The following PFKFB3 variants were observed in gnomAD, a reference collection of about 807,000 sequenced individuals.
PFKFB3 encodes 6-phosphofructo-2-kinase/fructose-2,6-biphosphatase 3, also known as 6-phosphofructo-2-kinase/fructose-2,6-bisphosphatase 3.
A neutral mutation model predicts 68.0 loss-of-function variants in PFKFB3; 33 were observed. That is an observed-to-expected ratio of 0.49 (90% CI 0.37 to 0.65). The LOEUF (loss-of-function observed/expected upper bound fraction) is 0.65, where lower values mean the gene tolerates loss of function less well. Ranked by LOEUF, PFKFB3 falls within the 30% of genes least tolerant of loss-of-function variation. The pLI, the probability that PFKFB3 is intolerant of heterozygous loss-of-function variation, is 0.00. For missense variants in PFKFB3, 586 were observed against 712.2 expected, an observed-to-expected ratio of 0.82 and a Z score of 2.02; for synonymous variants, 315 against 288.2, an observed-to-expected ratio of 1.09 and a Z score of -0.94.
At chr10:6,238,239 G>C, downstream of PFKFB3, among the ~76,000 whole-genome samples, 1 of 151,824 alleles carries the variant, frequency 6.6e-6, no homozygotes, top group African/African-American at 2.4e-5. Context: ...ATCTCAGCTC[G>C]CTGCAACCTC....
intron 1 of PFKFB3, among the ~76,000 whole-genome samples, chr10:6,182,935 C>A (rs1344083172): frequency 6.6e-6 from 1 of 152,160 alleles, no homozygotes; most frequent in African/African-American, 2.4e-5. Flanking sequence ...GACTATGGGG[C>A]CCCACAGACC....
At position 6,180,326 on chromosome 10, in the gene PFKFB3, C is replaced by G. The variant is rs113888559; in HGVS notation, c.17-33297C>G. 4.8e-3 allele frequency among the ~76,000 whole-genome samples: 733 copies of G among 152,296 alleles called. 8 individuals carry two copies. The highest frequency in any genetic ancestry group is 0.017 in the African/African-American group (707 of 41,568). On this transcript the variant is annotated intron_variant, in intron 1 of 14. Transcript: ENST00000379789. ...TGAGGGGGACCATGTAATATTTTTT[C>G]CTAACATTAACAACAGGCTTATTGT...
chr10:6,265,243 G>A, the PFKFB3 span, among the ~76,000 whole-genome samples: 1 of 151,906 alleles, frequency 6.6e-6, no homozygotes, highest in Non-Finnish European at 1.5e-5. Flanking sequence ...ACCATGCTCG[G>A]CTAATTTTTG....
intron 1 of PFKFB3, among the ~76,000 whole-genome samples, chr10:6,160,162 G>A (rs914073615): frequency 6.6e-6 from 1 of 152,150 alleles, no homozygotes; most frequent in East Asian, 1.9e-4. Context: ...TCAGGATAAT[G>A]GTTACTTCCA....
At chr10:6,256,540 A>G (rs189945343), downstream of PFKFB3, among the ~76,000 whole-genome samples, 7 of 152,172 alleles carry the variant, frequency 4.6e-5, no homozygotes, top group African/African-American at 1.4e-4. Context: ...CCAGGCTGCC[A>G]TGTGCATGGA....
the PFKFB3 span, among the ~76,000 whole-genome samples, chr10:6,265,224 G>A: frequency 2.6e-5 from 4 of 151,838 alleles, no homozygotes; most frequent in African/African-American, 9.7e-5. Context: ...GGGACTACAG[G>A]TGCATGCCAC....
At chr10:6,316,887 G>GGT in the PFKFB3 span, among the ~76,000 whole-genome samples, 1 of 152,124 alleles carries the variant, frequency 6.6e-6, no homozygotes, top group East Asian at 1.9e-4. Context: ...TCTGCATCAT[G>GGT]GTGTGACCCT....
intron 14 of PFKFB3, chr10:6,231,178 G>A: frequency 2.1e-6 from 2 of 974,576 alleles, no homozygotes; most frequent in South Asian, 2.6e-5. Context: ...AATTTCAAAT[G>A]CACACTAGAA....
chr10:6,260,635 C>T, the PFKFB3 span, among the ~76,000 whole-genome samples: 1 of 152,138 alleles, frequency 6.6e-6, no homozygotes, highest in Non-Finnish European at 1.5e-5. Flanking sequence ...TTAAACTTTA[C>T]ATAAATCACA....
chr10:6,174,139 A>AT (rs145084520), intron 1 of PFKFB3, among the ~76,000 whole-genome samples: 4,405 of 151,950 alleles, frequency 0.029, 211 homozygotes, highest in African/African-American at 0.1. Flanking sequence ...CAAAGCCTGT[A>AT]TTTTTTCTGC....
intron 6 of PFKFB3, among the ~76,000 whole-genome samples, chr10:6,217,808 G>A: frequency 6.6e-6 from 1 of 152,158 alleles, no homozygotes; most frequent in Non-Finnish European, 1.5e-5. Flanking sequence ...GGTTACTATG[G>A]AGACTTACTA....
intron 1 of PFKFB3, among the ~76,000 whole-genome samples, chr10:6,167,750 T>C (rs1417471314): frequency 5.9e-5 from 9 of 152,212 alleles, no homozygotes; most frequent in Non-Finnish European, 1.2e-4. Context: ...TCTCTGATGA[T>C]CCTCTTTTCT....
chr10:6,207,066 C>G (rs1332229129), intron 1 of PFKFB3, among the ~76,000 whole-genome samples: 5 of 151,602 alleles, frequency 3.3e-5, no homozygotes, highest in Admixed American at 6.6e-5. Context: ...AATCTCGGCA[C>G]TTTGGGAGGC....
intron 14 of PFKFB3, among the ~76,000 whole-genome samples, chr10:6,252,826 T>A (rs1846409705): frequency 6.6e-6 from 1 of 152,220 alleles, no homozygotes; most frequent in Admixed American, 6.5e-5. Flanking sequence ...CATAGCACAC[T>A]GTTAATAGAG....
the PFKFB3 span, among the ~76,000 whole-genome samples, chr10:6,290,638 A>ACAGG: frequency 6.6e-6 from 1 of 151,654 alleles, no homozygotes; most frequent in Non-Finnish European, 1.5e-5. Flanking sequence ...AGCTGGGATT[A>ACAGG]CAGGCACCCA....
the PFKFB3 span, among the ~76,000 whole-genome samples, chr10:6,290,988 C>T: frequency 0.014 from 2,069 of 152,078 alleles, 32 homozygotes; most frequent in Middle Eastern, 0.027. Flanking sequence ...ATTCCCATTA[C>T]ATGTTTGTTG....
intron 14 of PFKFB3, among the ~76,000 whole-genome samples, chr10:6,232,167 A>G (rs1432182010): frequency 1.3e-5 from 2 of 149,736 alleles, no homozygotes; most frequent in African/African-American, 4.9e-5. Context: ...GCGTAGGTGA[A>G]GCAGGTCACG....
intron 1 of PFKFB3, among the ~76,000 whole-genome samples, chr10:6,205,408 T>C (rs1169444984): frequency 1.5e-5 from 2 of 134,014 alleles, no homozygotes; most frequent in Non-Finnish European, 3.2e-5. Context: ...TTTTTTTTTT[T>C]TTGACATGGC....
intron 14 of PFKFB3, among the ~76,000 whole-genome samples, chr10:6,227,040 G>A (rs1293706869): frequency 6.6e-6 from 1 of 151,850 alleles, no homozygotes; most frequent in Non-Finnish European, 1.5e-5. Context: ...GAGCCGAGAT[G>A]GTGCCACTGC....
Sources: gnomAD v4.1 joint callset for allele counts (sites outside exome capture counted in the v4.1 genomes callset) on GRCh38, gnomAD v4.1.1 for gene constraint, MANE v1.5 for transcripts, NCBI Gene and HGNC (gene_info 2026-07-23, HGNC 2026-07-21) for gene names.